The following CCSER1 variants were observed in gnomAD, a reference collection of about 807,000 sequenced individuals.
CCSER1 encodes the protein serine-rich coiled-coil domain-containing protein 1.
In CCSER1, 41 loss-of-function variants were observed where a neutral mutation model predicts 82.0. The observed-to-expected ratio is 0.50, with a 90% CI of 0.39 to 0.65. CCSER1 has a LOEUF of 0.65. CCSER1 is among the 30% of genes least tolerant of loss of function. The pLI, the probability that CCSER1 is intolerant of heterozygous loss-of-function variation, is 0.00. For synonymous variants in CCSER1, 414 were observed against 383.9 expected (o/e 1.08, Z -0.92); for missense variants, 1,119 against 1,064.2 (o/e 1.05, Z -0.72).
At chr4:90,338,096 T>C (rs917092429) in intron 3 of CCSER1, among the ~76,000 whole-genome samples, 1 of 152,202 alleles carries the variant, frequency 6.6e-6, no homozygotes, top group Non-Finnish European at 1.5e-5. Context: ...AGAAACACTT[T>C]TGACTCTTTG....
At chr4:91,347,064 C>T (rs1429823349) in intron 10 of CCSER1, among the ~76,000 whole-genome samples, 1 of 151,932 alleles carries the variant, frequency 6.6e-6, no homozygotes, top group East Asian at 1.9e-4. Flanking sequence ...AATTCATCAC[C>T]AAACTCAAGG....
chr4:90,530,193 C>T (rs1036108215), intron 5 of CCSER1, among the ~76,000 whole-genome samples: 6 of 152,042 alleles, frequency 3.9e-5, no homozygotes, highest in African/African-American at 1.4e-4. Flanking sequence ...AAGTATGAAG[C>T]TGAAGGTACA....
At chr4:90,423,220 TTATTTATTTA>T (rs1756985723) in intron 4 of CCSER1, among the ~76,000 whole-genome samples, 2 of 151,930 alleles carry the variant, frequency 1.3e-5, no homozygotes, top group Non-Finnish European at 2.9e-5. Flanking sequence ...TTCTTTTTAT[TTATTTATTTA>T]TATTTATTTA....
chr4:90,235,305 G>A (rs1256109775), intron 1 of CCSER1: 3 of 152,228 alleles, frequency 2.0e-5, no homozygotes, highest in African/African-American at 7.2e-5. Flanking sequence ...TAGGACTCAA[G>A]CTTAAGCCCA....
intron 6 of CCSER1, among the ~76,000 whole-genome samples, chr4:90,673,756 T>C (rs12507976): frequency 0.14 from 20,987 of 151,968 alleles, 1,833 homozygotes; most frequent in East Asian, 0.25. Context: ...ACAGCAACTT[T>C]GCTCTTTTAT....
intron 10 of CCSER1, among the ~76,000 whole-genome samples, chr4:91,424,198 T>C (rs1417246705): frequency 6.6e-6 from 1 of 150,910 alleles, no homozygotes; most frequent in African/African-American, 2.4e-5. Context: ...TTTGTATTTT[T>C]AGTAGAGACG....
At chr4:91,191,327 C>G (rs1734977503) in intron 10 of CCSER1, among the ~76,000 whole-genome samples, 1 of 152,168 alleles carries the variant, frequency 6.6e-6, no homozygotes, top group Admixed American at 6.5e-5. Context: ...TAAACCTTCT[C>G]TGTTCTAAAG....
At chr4:91,289,429 T>G (rs1743579503) in intron 10 of CCSER1, among the ~76,000 whole-genome samples, 1 of 152,078 alleles carries the variant, frequency 6.6e-6, no homozygotes, top group Non-Finnish European at 1.5e-5. Context: ...GGAATTAAAA[T>G]AATTACAATT....
chr4:90,701,142 T>C (rs1738027132), intron 6 of CCSER1, among the ~76,000 whole-genome samples: 1 of 152,246 alleles, frequency 6.6e-6, no homozygotes, highest in Non-Finnish European at 1.5e-5. Flanking sequence ...CTTTAATCCA[T>C]CTTGAATTAA....
intron 9 of CCSER1, among the ~76,000 whole-genome samples, chr4:91,033,879 C>T (rs1741202670): frequency 6.6e-6 from 1 of 152,112 alleles, no homozygotes; most frequent in Non-Finnish European, 1.5e-5. Context: ...TAATGATTGA[C>T]CAATTCAAGC....
At chr4:90,914,413 G>T (rs1277867330) in intron 8 of CCSER1, among the ~76,000 whole-genome samples, 2 of 152,106 alleles carry the variant, frequency 1.3e-5, no homozygotes, top group Non-Finnish European at 2.9e-5. Flanking sequence ...ATAACTAAAT[G>T]AAGGCAGAAA....
intron 9 of CCSER1, among the ~76,000 whole-genome samples, chr4:90,936,840 G>T (rs62312320): frequency 0.053 from 8,050 of 152,080 alleles, 306 homozygotes; most frequent in Admixed American, 0.12. Context: ...TAAAGATTTT[G>T]CAGACCTTTT....
intron 10 of CCSER1, among the ~76,000 whole-genome samples, chr4:91,277,892 C>G (rs942761283): frequency 2.6e-5 from 4 of 151,816 alleles, no homozygotes; most frequent in Non-Finnish European, 5.9e-5. Flanking sequence ...CAATTTTCAT[C>G]TTTTCAATAA....
intron 5 of CCSER1, among the ~76,000 whole-genome samples, chr4:90,474,013 C>T (rs575063524): frequency 3.5e-4 from 53 of 152,116 alleles, no homozygotes; most frequent in African/African-American, 1.0e-3. Context: ...TGGTGGCGCA[C>T]GCCTATAGTT....
chr4:90,630,980 G>A (rs573889241), intron 6 of CCSER1, among the ~76,000 whole-genome samples: 8 of 151,232 alleles, frequency 5.3e-5, no homozygotes, highest in Admixed American at 1.3e-4. Flanking sequence ...TGCAAGCTCC[G>A]CCTCCCGGGT....
chr4:91,443,662 AAAT>A (rs1755359457), intron 10 of CCSER1, among the ~76,000 whole-genome samples: 1 of 149,590 alleles, frequency 6.7e-6, no homozygotes, highest in African/African-American at 2.4e-5. Flanking sequence ...AATAATAATA[AAAT>A]AATAATAAAA....
chr4:91,562,646 A>T (rs539973984), intron 10 of CCSER1, among the ~76,000 whole-genome samples: 11 of 151,666 alleles, frequency 7.3e-5, no homozygotes, highest in African/African-American at 2.7e-4. Flanking sequence ...AAATTGAATG[A>T]AAGTGTTCAT....
intron 10 of CCSER1, among the ~76,000 whole-genome samples, chr4:91,202,015 G>C (rs900417914): frequency 6.6e-6 from 1 of 151,862 alleles, no homozygotes; most frequent in Non-Finnish European, 1.5e-5. Context: ...GGTTCATCAG[G>C]ACACAGTTCC....
At chr4:91,071,287 T>G (rs1315133435) in intron 9 of CCSER1, among the ~76,000 whole-genome samples, 1 of 152,170 alleles carries the variant, frequency 6.6e-6, no homozygotes, top group African/African-American at 2.4e-5. Flanking sequence ...AATAAATTTA[T>G]ACAGTGTGTT....
Sources: gnomAD v4.1 joint callset for allele counts (sites outside exome capture counted in the v4.1 genomes callset) on GRCh38, gnomAD v4.1.1 for gene constraint, MANE v1.5 for transcripts, NCBI Gene and HGNC (gene_info 2026-07-23, HGNC 2026-07-21) for gene names.